The following R3HDM2 variants were observed in gnomAD, a reference collection of about 807,000 sequenced individuals.
R3HDM2 encodes R3H domain-containing protein 2.
Under a neutral mutation model 124.5 loss-of-function variants are expected in R3HDM2, and 38 were observed. The observed-to-expected ratio is 0.31, with a 90% CI of 0.24 to 0.40. The LOEUF is 0.40. R3HDM2 is among the 10% of genes least tolerant of loss of function. The pLI is 1.00. For missense variants in R3HDM2, 869 were observed against 1,236.9 expected (o/e 0.70, Z 4.46); for synonymous variants, 391 against 448.0 (o/e 0.87, Z 1.61).
chr12:57,305,640 C>G (rs931508273), intron 3 of R3HDM2: 14 of 398,826 alleles, frequency 3.5e-5, no homozygotes, highest in Non-Finnish European at 1.3e-5. Flanking sequence ...AGGCACAAAC[C>G]TTGTCAAAAA....
At chr12:57,403,016 G>A (rs1056879287) in intron 1 of R3HDM2, among the ~76,000 whole-genome samples, 12 of 152,158 alleles carry the variant, frequency 7.9e-5, no homozygotes, top group Non-Finnish European at 1.5e-4. Flanking sequence ...GGTAATAACA[G>A]TTGCCTCTGG....
chr12:57,316,852 C>T (rs926989380), intron 2 of R3HDM2, among the ~76,000 whole-genome samples: 1 of 151,286 alleles, frequency 6.6e-6, no homozygotes, highest in Non-Finnish European at 1.5e-5. Flanking sequence ...TGGGTTCAAG[C>T]GATTCTACCT....
chr12:57,306,324 C>A (rs531005347), intron 3 of R3HDM2, among the ~76,000 whole-genome samples: 4 of 152,124 alleles, frequency 2.6e-5, no homozygotes, highest in African/African-American at 7.2e-5. Flanking sequence ...ATTTCACAAC[C>A]ACCTTTCTAA....
intron 2 of R3HDM2, among the ~76,000 whole-genome samples, chr12:57,365,178 C>T (rs1425444742): frequency 2.0e-5 from 3 of 150,888 alleles, no homozygotes; most frequent in Non-Finnish European, 2.9e-5. Flanking sequence ...ACAGGAGAAT[C>T]GCTTGAACCC....
At chr12:57,351,648 A>G (rs2060688405) in intron 2 of R3HDM2, among the ~76,000 whole-genome samples, 1 of 152,248 alleles carries the variant, frequency 6.6e-6, no homozygotes, top group Non-Finnish European at 1.5e-5. Flanking sequence ...TGTAACAGGC[A>G]AACTACTACT....
Position 57,296,275 on chromosome 12 carries a change from C to G in R3HDM2, c.701+136G>C. On this transcript the variant is annotated intron_variant, in intron 9 of 23. Coordinates refer to ENST00000402412, the MANE Select transcript of R3HDM2 (RefSeq NM_001394031.1). The surrounding 1 kb of genome is among the most constrained non-coding windows in gnomAD (Gnocchi z 4.5). ...TCAAGCAGTCTTCCCATCTTGGCCTCCCAAAGTGCTGGGATTACAGGTGTG... is the reference window on the plus strand; with the variant it reads ...TCAAGCAGTCTTCCCATCTTGGCCTGCCAAAGTGCTGGGATTACAGGTGTG... The G allele has an allele frequency of 9.8e-7, 1 of 1,025,044 alleles. No homozygotes were observed. Among genetic ancestry groups the G allele is most frequent in the Non-Finnish European group, 1.4e-6 (1 of 707,490 alleles). The allele number at this position is 1,025,044 out of a possible 1,614,324, so 63.5% of individuals were successfully genotyped here.
rs572807600 is a variant in R3HDM2, at chr12:57,425,703, C to A, written c.-106+5017G>T. Among the ~76,000 whole-genome samples the A allele has an allele frequency of 7.9e-5, 12 of 152,180 alleles. No homozygotes were observed. The East Asian group carries it at 2.1e-3, about 27-fold the overall frequency. ...AATCCAGCTAGTTGGGAGGTTGAGG[C>A]AGAAGAATCGCTTGAACCTGGGAGG... is the stretch of plus-strand genomic sequence containing the variant. On this transcript the variant is annotated intron_variant, in intron 1 of 23. Coordinates refer to ENST00000402412, the MANE Select transcript of R3HDM2 (RefSeq NM_001394031.1).
chr12:57,414,486 TAAAAAAAAAAA>T (rs534205889), intron 1 of R3HDM2, among the ~76,000 whole-genome samples: 1 of 66,618 alleles, frequency 1.5e-5, no homozygotes, highest in Non-Finnish European at 2.6e-5. Flanking sequence ...AAGACTCCAT[TAAAAAAAAAAA>T]AAAAAAAAAA....
chr12:57,269,383 G>A lies in R3HDM2; in HGVS notation c.1654C>T (p.His552Tyr), dbSNP rs772897681. ...NSNQQYRPLS[H>Y]PVAYSPQRGQ... ...CGTTGGGGGCTATAGGCCACCGGGT[G>A]AGAGAGAGGTCGATATTGCTGGTTG... Residue 552 changes from histidine (H) to tyrosine (Y), a missense_variant, in exon 16 of 24, where the codon CAC becomes TAC. Coordinates refer to ENST00000402412, the MANE Select transcript of R3HDM2 (RefSeq NM_001394031.1). 1.2e-6 allele frequency: 2 copies of A among 1,614,188 alleles called. No individual in the cohort carries two copies. Among genetic ancestry groups the A allele is most frequent in the South Asian group, 2.2e-5 (2 of 91,078 alleles).
intron 19 of R3HDM2, among the ~76,000 whole-genome samples, chr12:57,265,453 A>G (rs1318238887): frequency 6.6e-6 from 1 of 151,990 alleles, no homozygotes; most frequent in African/African-American, 2.4e-5. Context: ...CAGAAGACAC[A>G]GGTCTTCTGT....
chr12:57,336,334 C>T (rs769360764), intron 2 of R3HDM2, among the ~76,000 whole-genome samples: 3 of 152,118 alleles, frequency 2.0e-5, no homozygotes, highest in Non-Finnish European at 4.4e-5. Flanking sequence ...ATTCTACCAA[C>T]ATAAAGACAC....
At chr12:57,382,716 G>A (rs1222536362) in intron 2 of R3HDM2, among the ~76,000 whole-genome samples, 2 of 151,514 alleles carry the variant, frequency 1.3e-5, no homozygotes, top group African/African-American at 4.8e-5. Context: ...GGCACCTGCA[G>A]TCCCAGCTAC....
At chr12:57,349,581 G>C (rs2060474461) in intron 2 of R3HDM2, among the ~76,000 whole-genome samples, 2 of 146,772 alleles carry the variant, frequency 1.4e-5, no homozygotes, top group South Asian at 4.3e-4. Flanking sequence ...TTTTTTTTGA[G>C]ACAGAGTCTC....
chr12:57,258,859 T>C (rs556564757), intron 20 of R3HDM2, 31 bp downstream of exon 20: 19 of 1,473,286 alleles, frequency 1.3e-5, no homozygotes, highest in Middle Eastern at 2.5e-4. Context: ...GGTCATCTCC[T>C]TGCCAAGACA....
At chr12:57,373,717 G>A (rs1465533310) in intron 2 of R3HDM2, among the ~76,000 whole-genome samples, 2 of 152,010 alleles carry the variant, frequency 1.3e-5, no homozygotes, top group Non-Finnish European at 2.9e-5. Context: ...GAAGGCTAAG[G>A]CAAAAGAATC....
chr12:57,420,028 A>G lies in R3HDM2; in HGVS notation c.-106+10692T>C, dbSNP rs2070035170. Among the ~76,000 whole-genome samples, 5 of 152,024 alleles carry G rather than the reference A, an allele frequency of 3.3e-5. No individual in the cohort carries two copies. The South Asian group carries it at 1.0e-3, about 32-fold the overall frequency. The stretch of plus-strand genomic sequence containing the variant: ...AAGGTCATAAGGCAGAAACTCTCTC[A>G]AATTCCTTTGTTTAGATACCAAACA... On this transcript the variant is annotated intron_variant, in intron 1 of 23. Coordinates refer to ENST00000402412, the MANE Select transcript of R3HDM2 (RefSeq NM_001394031.1).
intron 19 of R3HDM2, among the ~76,000 whole-genome samples, chr12:57,266,517 A>G (rs1359846565): frequency 1.3e-5 from 2 of 152,216 alleles, no homozygotes; most frequent in African/African-American, 4.8e-5. Flanking sequence ...TACAGGTGTG[A>G]GCCAGTGTGC....
chr12:57,358,417 A>AT (rs2061530952), intron 2 of R3HDM2, among the ~76,000 whole-genome samples: 1 of 152,182 alleles, frequency 6.6e-6, no homozygotes, highest in Non-Finnish European at 1.5e-5. Flanking sequence ...TGGGTGGATC[A>AT]CTTGAGGCCA....
At position 57,430,809 on chromosome 12, in the gene R3HDM2, G is replaced by A. The variant is rs1237570002; in HGVS notation, c.-195C>T. Reference sequence around the variant, plus strand: ...CGGCTGCGGCTCGGCCCCGACGGCCGGCGGCGGCGCGCTTCTGGGGGCGGG... The same window carrying A: ...CGGCTGCGGCTCGGCCCCGACGGCCAGCGGCGGCGCGCTTCTGGGGGCGGG... On this transcript the variant is annotated 5_prime_UTR_variant, in exon 1 of 24. Coordinates refer to ENST00000402412, the MANE Select transcript of R3HDM2 (RefSeq NM_001394031.1). 1 of 149,608 alleles carries A rather than the reference G, an allele frequency of 6.7e-6. No individual in the cohort carries two copies. The highest frequency in any genetic ancestry group is 1.5e-5 in the Non-Finnish European group (1 of 67,576). 9.3% of individuals were successfully genotyped at this position (149,608 alleles called of 1,614,324 possible).
Sources: allele counts gnomAD v4.1 joint callset (sites outside exome capture counted in the v4.1 genomes callset), GRCh38; gene constraint gnomAD v4.1.1; non-coding constraint Gnocchi (gnomAD v3.1); transcripts MANE v1.5; gene names NCBI Gene and HGNC (gene_info 2026-07-23, HGNC 2026-07-21).